SLC24A2: variants seen among roughly 807,000 people sequenced by gnomAD.
SLC24A2 encodes solute carrier family 24 member 2.
SLC24A2 carries 36 observed loss-of-function variants against 62.0 expected under a neutral mutation model. The observed-to-expected ratio is 0.58, with a 90% confidence interval of 0.44 to 0.77. The LOEUF (loss-of-function observed/expected upper bound fraction) is 0.77, where lower values mean the gene tolerates loss of function less well. Among genes scored for constraint, SLC24A2 ranks in the 30% least tolerant of loss-of-function variants. SLC24A2 has a pLI of 0.00. For missense variants in SLC24A2, 846 were observed against 817.9 expected, an observed-to-expected ratio of 1.03 and a Z score of -0.42; for synonymous variants, 358 against 294.0, an observed-to-expected ratio of 1.22 and a Z score of -2.23.
intron 7 of SLC24A2, among the ~76,000 whole-genome samples, chr9:19,571,235 G>C (rs891323792): frequency 6.6e-6 from 1 of 152,184 alleles, no homozygotes; most frequent in Non-Finnish European, 1.5e-5. Context: ...CTAATGCAAA[G>C]GGACCACAGG....
chr9:20,148,057 G>T, the SLC24A2 span, among the ~76,000 whole-genome samples: 2 of 151,976 alleles, frequency 1.3e-5, no homozygotes, highest in Admixed American at 1.3e-4. Context: ...GTACTATATG[G>T]GCAAGACAAC....
At chr9:19,914,596 C>A in the SLC24A2 span, among the ~76,000 whole-genome samples, 6 of 152,064 alleles carry the variant, frequency 3.9e-5, no homozygotes, top group African/African-American at 1.4e-4. Flanking sequence ...TATTCTGAGC[C>A]AGGCAGAGGA....
chr9:19,528,178 T>G, intron 8 of SLC24A2, 40 bp from the exon 9 acceptor site: 1 of 1,303,344 alleles, frequency 7.7e-7, no homozygotes, highest in Non-Finnish European at 1.1e-6. Flanking sequence ...ATCAGTGTTA[T>G]CCATTGAGAC....
chr9:19,848,024 C>G, the SLC24A2 span, among the ~76,000 whole-genome samples: 15 of 152,178 alleles, frequency 9.9e-5, no homozygotes, highest in Non-Finnish European at 2.2e-4. Flanking sequence ...AATTTGACAA[C>G]CATCAGCAAC....
At chr9:19,562,779 G>A (rs533976906) in intron 7 of SLC24A2, among the ~76,000 whole-genome samples, 92 of 152,248 alleles carry the variant, frequency 6.0e-4, no homozygotes, top group African/African-American at 2.2e-3. Flanking sequence ...TTTTAAGGCA[G>A]TCATAGTTCT....
chr9:19,811,666 G>C, the SLC24A2 span, among the ~76,000 whole-genome samples: 9 of 151,836 alleles, frequency 5.9e-5, no homozygotes, highest in African/African-American at 2.2e-4. Flanking sequence ...TAATTTCAGC[G>C]TGCATCCTCA....
At chr9:19,853,556 T>C in the SLC24A2 span, among the ~76,000 whole-genome samples, 1 of 152,236 alleles carries the variant, frequency 6.6e-6, no homozygotes, top group Non-Finnish European at 1.5e-5. Context: ...TCTGCATCTA[T>C]TGAGATAATC....
the SLC24A2 span, among the ~76,000 whole-genome samples, chr9:19,945,155 C>A: frequency 1.3e-5 from 2 of 152,110 alleles, no homozygotes; most frequent in Non-Finnish European, 2.9e-5. Context: ...CATTAAAATC[C>A]AGACTCGGCT....
the SLC24A2 span, among the ~76,000 whole-genome samples, chr9:19,877,372 AGTTTG>A: frequency 7.2e-6 from 1 of 138,792 alleles, no homozygotes; most frequent in African/African-American, 2.6e-5. Flanking sequence ...TAAACTATGG[AGTTTG>A]GCTCCATAGT....
the SLC24A2 span, among the ~76,000 whole-genome samples, chr9:19,884,757 G>C: frequency 6.6e-6 from 1 of 152,088 alleles, no homozygotes; most frequent in African/African-American, 2.4e-5. Flanking sequence ...AATTACATGA[G>C]ATGTTCAACA....
At chr9:19,585,064 G>A (rs1048516767) in intron 5 of SLC24A2, among the ~76,000 whole-genome samples, 5 of 152,066 alleles carry the variant, frequency 3.3e-5, no homozygotes, top group Non-Finnish European at 7.4e-5. Flanking sequence ...CTCAAGTGGT[G>A]ACCAAACCCA....
At chr9:20,185,755 A>T in the SLC24A2 span, among the ~76,000 whole-genome samples, 67 of 152,282 alleles carry the variant, frequency 4.4e-4, no homozygotes, top group African/African-American at 1.6e-3. Context: ...TTTGCATTTT[A>T]AAATAGCCCC....
At chr9:19,592,333 C>G (rs1020636266) in intron 5 of SLC24A2, among the ~76,000 whole-genome samples, 6 of 152,056 alleles carry the variant, frequency 3.9e-5, no homozygotes, top group African/African-American at 1.5e-4. Context: ...TACAAATGAA[C>G]AAGGATTGAC....
chr9:19,805,432 G>A, the SLC24A2 span, among the ~76,000 whole-genome samples: 1 of 152,092 alleles, frequency 6.6e-6, no homozygotes, highest in African/African-American at 2.4e-5. Context: ...ATGATATTAT[G>A]CAGAGCAACA....
the SLC24A2 span, among the ~76,000 whole-genome samples, chr9:19,989,508 G>A: frequency 6.6e-6 from 1 of 152,188 alleles, no homozygotes; most frequent in African/African-American, 2.4e-5. Flanking sequence ...ATAAGAGTTT[G>A]TTAAAGTGGA....
chr9:20,305,580 G>A, the SLC24A2 span, among the ~76,000 whole-genome samples: 4 of 152,126 alleles, frequency 2.6e-5, no homozygotes, highest in Admixed American at 6.5e-5. Context: ...TGATCTCTAA[G>A]TAAATAAAAA....
intron 8 of SLC24A2, among the ~76,000 whole-genome samples, chr9:19,532,136 G>A (rs1159061262): frequency 6.6e-6 from 1 of 152,170 alleles, no homozygotes; most frequent in Non-Finnish European, 1.5e-5. Context: ...AGGCTGGAGT[G>A]CAATGGTGCA....
chr9:20,084,560 C>G, the SLC24A2 span, among the ~76,000 whole-genome samples: 102 of 147,986 alleles, frequency 6.9e-4, 1 homozygote, highest in East Asian at 0.02. Context: ...AAACATTCAC[C>G]ATATCCCACC....
chr9:20,036,974 C>T, the SLC24A2 span, among the ~76,000 whole-genome samples: 6 of 151,982 alleles, frequency 3.9e-5, no homozygotes, highest in Admixed American at 6.6e-5. Flanking sequence ...CAGCTCACTG[C>T]AACCTCTGCC....
Sources: gnomAD v4.1 joint callset for allele counts (sites outside exome capture counted in the v4.1 genomes callset) on GRCh38, gnomAD v4.1.1 for gene constraint, MANE v1.5 for transcripts, NCBI Gene and HGNC (gene_info 2026-07-23, HGNC 2026-07-21) for gene names.